Variants in MTF2 observed in about 807,000 individuals in gnomAD.
MTF2 encodes the protein metal response element binding transcription factor 2, also known as metal-response element-binding transcription factor 2.
Under a neutral mutation model 79.5 loss-of-function variants are expected in MTF2, and 11 were observed. The observed-to-expected ratio is 0.14, with a 90% confidence interval of 0.09 to 0.23. The LOEUF (loss-of-function observed/expected upper bound fraction) is 0.23, where lower values mean the gene tolerates loss of function less well. Among genes scored for constraint, MTF2 ranks in the 10% least tolerant of loss-of-function variants. MTF2 has a pLI of 1.00. For missense variants in MTF2, 486 were observed against 711.2 expected (o/e 0.68, Z 3.60); for synonymous variants, 208 against 232.8 (o/e 0.89, Z 0.97).
chr1:93,132,419 A>G (rs1041700692), intron 11 of MTF2, among the ~76,000 whole-genome samples: 1 of 152,168 alleles, frequency 6.6e-6, no homozygotes, highest in South Asian at 2.1e-4. Flanking sequence ...TGTGGTAGCT[A>G]TCAGGTCATC....
chr1:93,102,047 C>CTGAGATGAGG (rs1351014866), intron 1 of MTF2, among the ~76,000 whole-genome samples: 1 of 152,150 alleles, frequency 6.6e-6, no homozygotes, highest in African/African-American at 2.4e-5. Flanking sequence ...CAGTTTGAAT[C>CTGAGATGAGG]TGAGATGAGG....
intron 11 of MTF2, among the ~76,000 whole-genome samples, chr1:93,131,379 T>C (rs1010476): frequency 0.9 from 136,424 of 152,214 alleles, 61,381 homozygotes; most frequent in African/African-American, 0.95. Flanking sequence ...GTGACCTTGA[T>C]AAAAGGAATT....
At chr1:93,080,659 A>G (rs1654566064) in intron 1 of MTF2, among the ~76,000 whole-genome samples, 1 of 152,154 alleles carries the variant, frequency 6.6e-6, no homozygotes, top group Admixed American at 6.5e-5. Flanking sequence ...CTCCGGTAGT[A>G]ATAGTAGTTA....
intron 1 of MTF2, among the ~76,000 whole-genome samples, chr1:93,106,520 CTTTTT>C (rs56362214): frequency 7.6e-6 from 1 of 131,564 alleles, no homozygotes. Flanking sequence ...AACTTAAAGC[CTTTTT>C]TTTTTTTTTT....
intron 1 of MTF2, among the ~76,000 whole-genome samples, chr1:93,086,339 A>G (rs1654834778): frequency 1.3e-5 from 2 of 152,048 alleles, no homozygotes; most frequent in African/African-American, 4.8e-5. Context: ...CCCTGTCTCT[A>G]CTAAAAATAC....
chr1:93,092,007 T>G lies in MTF2; in HGVS notation c.5+12476T>G, dbSNP rs867539157. Among the ~76,000 whole-genome samples, 4 of 152,342 alleles carry G rather than the reference T, an allele frequency of 2.6e-5. No individual in the cohort carries two copies. In the Middle Eastern group the frequency reaches 0.01, roughly 389 times the overall value. On this transcript the variant is annotated intron_variant, in intron 1 of 14. Transcript: ENST00000370298. ...TGGGATGTCGTCTTCTACTTTTTCT[T>G]TGGTAATTTTTTCCCCACCTTTTTT...
At chr1:93,097,472 TAA>T (rs938061176) in intron 1 of MTF2, among the ~76,000 whole-genome samples, 2 of 152,220 alleles carry the variant, frequency 1.3e-5, no homozygotes, top group African/African-American at 4.8e-5. Context: ...TTTATTGTTA[TAA>T]GAGTGATGCC....
At chr1:93,089,849 C>T (rs892703858) in intron 1 of MTF2, among the ~76,000 whole-genome samples, 6 of 144,226 alleles carry the variant, frequency 4.2e-5, no homozygotes, top group South Asian at 2.2e-4. Context: ...CTTGATTTTC[C>T]TTTTTTTTTT....
chr1:93,135,234 A>G (rs1002353288), intron 14 of MTF2, among the ~76,000 whole-genome samples: 2 of 152,172 alleles, frequency 1.3e-5, no homozygotes, highest in East Asian at 3.9e-4. Context: ...GGCCTCCCAA[A>G]GTGCCGGGAT....
chr1:93,130,406 A>G (rs1462091790), intron 11 of MTF2, among the ~76,000 whole-genome samples: 1 of 152,078 alleles, frequency 6.6e-6, no homozygotes, highest in East Asian at 1.9e-4. Context: ...GGTGAAGCCC[A>G]TCTCTACTAA....
intron 6 of MTF2, among the ~76,000 whole-genome samples, chr1:93,117,096 A>G (rs1032586062): frequency 6.6e-6 from 1 of 152,232 alleles, no homozygotes; most frequent in Non-Finnish European, 1.5e-5. Context: ...AGGTGAGCAC[A>G]TGAACCTAGA....
In MTF2 at chr1:93,079,416, C is replaced by T; in HGVS notation, c.-111C>T. On this transcript the variant is annotated 5_prime_UTR_variant, in exon 1 of 15. Transcript: ENST00000370298. ...TTTGTGCGTGCATATGTGCCGGGTA[C>T]CCGGTGGGGCGGGTGCCCAGTAAGT... 7.2e-7 allele frequency: 1 copy of T among 1,390,098 alleles called. No individual in the cohort carries two copies. Among genetic ancestry groups the T allele is most frequent in the Non-Finnish European group, 1.0e-6 (1 of 981,670 alleles). 86.1% of individuals were successfully genotyped at this position (1,390,098 alleles called of 1,614,324 possible). A position where few individuals can be genotyped will look rare whatever the true frequency, so the allele number is the denominator to read the frequency against.
At chr1:93,135,582 C>T (rs999477497) in intron 14 of MTF2, among the ~76,000 whole-genome samples, 2 of 151,668 alleles carry the variant, frequency 1.3e-5, no homozygotes, top group Admixed American at 6.6e-5. Flanking sequence ...GCCTATAATC[C>T]CAGCACTTTG....
rs377140538 is a variant in MTF2, at chr1:93,128,970, C to T, written c.990-308C>T. Reference sequence around the variant, plus strand: ...ACAGATGACACTAAATATGGGAAAGCATATTGGGACCAAAAATATACCATT... The same window carrying T: ...ACAGATGACACTAAATATGGGAAAGTATATTGGGACCAAAAATATACCATT... On this transcript the variant is annotated intron_variant, in intron 10 of 14. Coordinates refer to ENST00000370298, the MANE Select transcript of MTF2 (RefSeq NM_007358.4). 3.2e-5 allele frequency: 6 copies of T among 190,394 alleles called. No homozygotes were observed. In the South Asian group the frequency reaches 7.7e-4, roughly 25 times the overall value. The allele number at this position is 190,394 out of a possible 1,614,324, so 11.8% of individuals were successfully genotyped here. A position where few individuals can be genotyped will look rare whatever the true frequency, so the allele number is the denominator to read the frequency against.
chr1:93,084,791 C>T (rs1237447220), intron 1 of MTF2, among the ~76,000 whole-genome samples: 1 of 152,102 alleles, frequency 6.6e-6, no homozygotes, highest in Non-Finnish European at 1.5e-5. Flanking sequence ...ATTGCTTGAG[C>T]TTAGGAGTTT....
At chr1:93,120,458 G>C in intron 8 of MTF2, 91 bp from the exon 9 acceptor site, 5 of 1,214,066 alleles carry the variant, frequency 4.1e-6, no homozygotes, top group Middle Eastern at 2.9e-4. Flanking sequence ...ATTTCTCTTT[G>C]CATTTTAATT....
intron 9 of MTF2, among the ~76,000 whole-genome samples, chr1:93,124,164 G>A (rs1005212797): frequency 2.0e-5 from 3 of 151,952 alleles, no homozygotes; most frequent in African/African-American, 7.2e-5. Context: ...GTTTCCTTAT[G>A]TAGTTTTTGT....
chr1:93,110,179 A>G, intron 1 of MTF2, 51 bp from the exon 2 acceptor site: 1 of 1,527,174 alleles, frequency 6.5e-7, no homozygotes, highest in Non-Finnish European at 9.0e-7. Context: ...CACTGGTATA[A>G]AATAAGCTCT....
chr1:93,110,646 T>G lies in MTF2; in HGVS notation c.286+20T>G. Reference sequence around the variant, plus strand: ...AAACAGGCAGGTGCTACTATTTCTCTTGAACATGATTTAAATTAAAATTTG... The same window carrying G: ...AAACAGGCAGGTGCTACTATTTCTCGTGAACATGATTTAAATTAAAATTTG... On this transcript the variant is annotated intron_variant, in intron 3 of 14. Coordinates refer to ENST00000370298, the MANE Select transcript of MTF2 (RefSeq NM_007358.4). 1.9e-6 allele frequency: 3 copies of G among 1,552,758 alleles called. No individual in the cohort carries two copies. Among genetic ancestry groups the G allele is most frequent in the Non-Finnish European group, 1.8e-6 (2 of 1,130,186 alleles).
Sources: gnomAD v4.1 joint callset for allele counts (sites outside exome capture counted in the v4.1 genomes callset) on GRCh38, gnomAD v4.1.1 for gene constraint, MANE v1.5 for transcripts, NCBI Gene and HGNC (gene_info 2026-07-23, HGNC 2026-07-21) for gene names.